AGBL4: variants seen among roughly 807,000 people sequenced by gnomAD.
AGBL4 encodes the protein AGBL carboxypeptidase 4.
In AGBL4, 58 loss-of-function variants were observed where a neutral mutation model predicts 66.4. The observed-to-expected ratio is 0.87, with a 90% CI of 0.71 to 1.09. The LOEUF (loss-of-function observed/expected upper bound fraction) is 1.09, where lower values mean the gene tolerates loss of function less well. AGBL4 is among the 50% of genes least tolerant of loss of function. The probability of loss-of-function intolerance (pLI) is 0.00; values close to 1 mark genes in which losing one functional copy is unlikely to be tolerated. For synonymous variants in AGBL4, 234 were observed against 222.9 expected, an observed-to-expected ratio of 1.05 and a Z score of -0.44; for missense variants, 579 against 631.0, an observed-to-expected ratio of 0.92 and a Z score of 0.88.
intron 3 of AGBL4, among the ~76,000 whole-genome samples, chr1:49,339,694 C>T (rs748162338): frequency 6.6e-6 from 1 of 152,216 alleles, no homozygotes; most frequent in Non-Finnish European, 1.5e-5. Context: ...ATATATTTTA[C>T]ATGCTGGGCT....
chr1:49,556,928 C>T (rs372579286), intron 3 of AGBL4, among the ~76,000 whole-genome samples: 4 of 152,232 alleles, frequency 2.6e-5, no homozygotes, highest in Admixed American at 1.3e-4. Flanking sequence ...GCGCACCCTC[C>T]GCAGATGCTG....
rs571410093 is a variant in AGBL4, at chr1:49,936,751, T to C, written c.35-85233A>G. Among the ~76,000 whole-genome samples the C allele has an allele frequency of 2.0e-5, 3 of 152,098 alleles. No individual in the cohort carries two copies. In the East Asian group the frequency reaches 5.8e-4, roughly 29 times the overall value. On this transcript the variant is annotated intron_variant, in intron 1 of 13. Coordinates refer to ENST00000371839, the MANE Select transcript of AGBL4 (RefSeq NM_032785.4). ...CCAGCCAAACTAAGCTTCATAAAAG[T>C]GAAGGAGAAATAAAATCCTTTACAG... is the stretch of plus-strand genomic sequence containing the variant.
At chr1:49,378,361 T>A (rs764913265) in intron 3 of AGBL4, among the ~76,000 whole-genome samples, 240 of 152,172 alleles carry the variant, frequency 1.6e-3, no homozygotes, top group Non-Finnish European at 2.9e-3. Context: ...ATCTATCTCA[T>A]CTTAAATGTC....
chr1:49,436,253 A>T (rs529251126), intron 3 of AGBL4, among the ~76,000 whole-genome samples: 1 of 152,208 alleles, frequency 6.6e-6, no homozygotes, highest in South Asian at 2.1e-4. Flanking sequence ...GTCGGTAAGT[A>T]TAACAGTGAG....
intron 4 of AGBL4, among the ~76,000 whole-genome samples, chr1:49,070,474 C>A (rs1368807042): frequency 6.6e-6 from 1 of 151,928 alleles, no homozygotes; most frequent in African/African-American, 2.4e-5. Flanking sequence ...GCCTTTTCTG[C>A]ATCTATTGAG....
chr1:49,199,033 G>C (rs1414459062), intron 4 of AGBL4, among the ~76,000 whole-genome samples: 1 of 152,126 alleles, frequency 6.6e-6, no homozygotes, highest in East Asian at 1.9e-4. Context: ...TTCCACTTCT[G>C]TGTCCTTCAC....
chr1:48,961,615 A>C (rs3127548), intron 5 of AGBL4, among the ~76,000 whole-genome samples: 151,736 of 152,264 alleles, frequency 1, 75,608 homozygotes, highest in Middle Eastern at 1. Context: ...TCCCAGGAGG[A>C]TCCTGGCATC....
At chr1:49,172,983 G>A (rs1646766050) in intron 4 of AGBL4, among the ~76,000 whole-genome samples, 1 of 152,124 alleles carries the variant, frequency 6.6e-6, no homozygotes. Flanking sequence ...GCCAGGTGTG[G>A]TGGCACATGC....
intron 4 of AGBL4, among the ~76,000 whole-genome samples, chr1:49,113,369 T>C (rs1228745800): frequency 2.0e-5 from 3 of 151,954 alleles, no homozygotes; most frequent in African/African-American, 7.3e-5. Context: ...CTCAGCTTCC[T>C]GAGTAGCTGG....
intron 4 of AGBL4, among the ~76,000 whole-genome samples, chr1:49,223,115 G>A (rs1196718111): frequency 6.6e-6 from 1 of 152,068 alleles, no homozygotes; most frequent in East Asian, 1.9e-4. Flanking sequence ...TTAAGACCTG[G>A]GCCTTCAGAC....
intron 8 of AGBL4, among the ~76,000 whole-genome samples, chr1:48,647,000 C>T (rs1385223428): frequency 6.6e-6 from 1 of 152,186 alleles, no homozygotes; most frequent in Non-Finnish European, 1.5e-5. Flanking sequence ...CAAGAACTGC[C>T]TCTGATTTCC....
At chr1:48,973,847 C>A (rs1317656653) in intron 5 of AGBL4, among the ~76,000 whole-genome samples, 2 of 152,124 alleles carry the variant, frequency 1.3e-5, no homozygotes, top group East Asian at 3.9e-4. Context: ...TCAAGCATGA[C>A]AAACAAGAAG....
At chr1:49,597,774 TGTAGCAATTCTGAATGGGA>T (rs1361954734) in intron 3 of AGBL4, among the ~76,000 whole-genome samples, 1 of 152,218 alleles carries the variant, frequency 6.6e-6, no homozygotes, top group African/African-American at 2.4e-5. Flanking sequence ...TTATTCTCTT[TGTAGCAATTCTGAATGGGA>T]GTTCACTCAT....
At chr1:48,927,345 C>T (rs145080488) in intron 5 of AGBL4, among the ~76,000 whole-genome samples, 8 of 152,208 alleles carry the variant, frequency 5.3e-5, no homozygotes, top group Middle Eastern at 3.4e-3. Flanking sequence ...AGGGTAACTC[C>T]GCTTTATAAA....
At chr1:48,847,903 C>T (rs188194560) in intron 6 of AGBL4, among the ~76,000 whole-genome samples, 2 of 152,168 alleles carry the variant, frequency 1.3e-5, no homozygotes, top group African/African-American at 4.8e-5. Context: ...AGAATTGGTA[C>T]ACATTAATAG....
At chr1:49,576,412 C>G (rs1644437456) in intron 3 of AGBL4, among the ~76,000 whole-genome samples, 1 of 152,178 alleles carries the variant, frequency 6.6e-6, no homozygotes, top group Non-Finnish European at 1.5e-5. Flanking sequence ...TTTAGCAGGC[C>G]ACCATATGTG....
chr1:49,912,799 C>A (rs1269834240), intron 1 of AGBL4, among the ~76,000 whole-genome samples: 1 of 152,042 alleles, frequency 6.6e-6, no homozygotes, highest in African/African-American at 2.4e-5. Flanking sequence ...AAGAACATGC[C>A]ACATCTGGTG....
intron 5 of AGBL4, among the ~76,000 whole-genome samples, chr1:48,962,135 A>ATCCG (rs199850775): frequency 0.12 from 18,579 of 150,874 alleles, 1,921 homozygotes; most frequent in African/African-American, 0.28. Context: ...CCGTCCATCC[A>ATCCG]TCCATCATCC....
At chr1:49,147,358 G>A (rs1459040262) in intron 4 of AGBL4, among the ~76,000 whole-genome samples, 4 of 152,154 alleles carry the variant, frequency 2.6e-5, no homozygotes, top group East Asian at 1.9e-4. Flanking sequence ...GATTACACAG[G>A]AGTGTATTCT....
Sources: allele counts gnomAD v4.1 joint callset (sites outside exome capture counted in the v4.1 genomes callset), GRCh38; gene constraint gnomAD v4.1.1; transcripts MANE v1.5; gene names NCBI Gene and HGNC (gene_info 2026-07-23, HGNC 2026-07-21).